INTS3: variants seen among roughly 807,000 people sequenced by gnomAD.
INTS3 encodes SOSS complex subunit A.
INTS3 carries 34 observed loss-of-function variants against 146.3 expected under a neutral mutation model. The observed-to-expected ratio is 0.23, with a 90% CI of 0.18 to 0.31. The LOEUF is 0.31. INTS3 is among the 10% of genes least tolerant of loss of function. The probability of loss-of-function intolerance (pLI) is 1.00; values close to 1 mark genes in which losing one functional copy is unlikely to be tolerated. For missense variants in INTS3, 757 were observed against 1,304.2 expected (o/e 0.58, Z 6.46); for synonymous variants, 475 against 494.9 (o/e 0.96, Z 0.53).
rs368602155 is a variant in INTS3, at chr1:153,767,776, G to A, written c.2193G>A (p.Gln731=). The change falls in exon 21 of 30, where the codon CAG becomes CAA. Residue 731 remains glutamine (Q), a synonymous_variant. Coordinates refer to ENST00000318967, the MANE Select transcript of INTS3 (RefSeq NM_023015.5). ...TGATGATGGACATGAAGGCCTGCCA[G>A]GAGGACGATGTGCGGCTCCTGTGCC... ...TCLMMDMKAC[Q]EDDVRLLCHL... 9 of 1,613,480 alleles carry A rather than the reference G, an allele frequency of 5.6e-6. No individual in the cohort carries two copies. In the African/African-American group the frequency reaches 6.7e-5, roughly 12 times the overall value.
intron 1 of INTS3, among the ~76,000 whole-genome samples, chr1:153,731,530 A>G (rs182484479): frequency 6.7e-6 from 1 of 149,352 alleles, no homozygotes; most frequent in Non-Finnish European, 1.5e-5. Context: ...CCAAAGAGGG[A>G]CCAATCACTT....
intron 4 of INTS3, 98 bp downstream of exon 4, chr1:153,747,168 C>T: frequency 8.0e-7 from 1 of 1,245,918 alleles, no homozygotes; most frequent in South Asian, 1.2e-5. Context: ...TAACACACCC[C>T]TATCATTGTG....
At chr1:153,767,473 A>C in intron 20 of INTS3, 1 of 474,476 alleles carries the variant, frequency 2.1e-6, no homozygotes, top group Non-Finnish European at 3.7e-6. Flanking sequence ...GCTCTGGGGA[A>C]GGATGGACAG....
intron 1 of INTS3, among the ~76,000 whole-genome samples, chr1:153,729,664 G>A (rs920441914): frequency 6.6e-6 from 1 of 152,044 alleles, no homozygotes; most frequent in African/African-American, 2.4e-5. Flanking sequence ...TCAAGAGATC[G>A]AGACCATCCT....
At chr1:153,768,765 G>T in intron 21 of INTS3, 128 bp from the exon 22 acceptor site, 2 of 699,054 alleles carry the variant, frequency 2.9e-6, no homozygotes, top group Non-Finnish European at 5.1e-6. Flanking sequence ...TCTGTTTAGG[G>T]GTTTATTTTA....
rs1184287210 is a variant in INTS3, at chr1:153,772,674, C to T, written c.2857C>T (p.His953Tyr). 2 of 1,614,100 alleles carry T rather than the reference C, an allele frequency of 1.2e-6. No homozygotes were observed. The highest frequency in any genetic ancestry group is 1.7e-6 in the Non-Finnish European group (2 of 1,180,044). ...SQTPILQALQ[H>Y]VQASCDEAHK... ...GACGCCAATTCTCCAGGCGCTGCAG[C>T]ATGTCCAAGCGAGCTGTGACGAAGC... is the stretch of plus-strand genomic sequence containing the variant. Residue 953 changes from histidine (H) to tyrosine (Y), a missense_variant, in exon 28 of 30, where the codon CAT (histidine) becomes TAT (tyrosine). His to Tyr is a moderately conservative substitution (Grantham distance 83). Around this residue, in one of 8 missense-constraint regions of INTS3, gnomAD observed 125 missense variants for 165.6 expected, o/e 0.75. Transcript: ENST00000318967. The surrounding 1 kb of genome is among the most constrained non-coding windows in gnomAD (Gnocchi z 4.6).
chr1:153,761,993 CT>C (rs1252589988), intron 14 of INTS3, among the ~76,000 whole-genome samples: 1 of 152,260 alleles, frequency 6.6e-6, no homozygotes, highest in Non-Finnish European at 1.5e-5. Flanking sequence ...ACTTGCCCAT[CT>C]CTCTTCCCAG....
intron 1 of INTS3, among the ~76,000 whole-genome samples, chr1:153,729,478 C>T (rs1355972906): frequency 6.6e-6 from 1 of 152,164 alleles, no homozygotes; most frequent in African/African-American, 2.4e-5. Flanking sequence ...CTGATAGTTG[C>T]CCCTCCTGTC....
At chr1:153,761,105 C>T in intron 13 of INTS3, 187 bp downstream of exon 13, 1 of 1,419,274 alleles carries the variant, frequency 7.0e-7, no homozygotes, top group Non-Finnish European at 9.2e-7. Context: ...CATCGTATTA[C>T]AAAGGTCTTC....
chr1:153,771,872 C>T lies in INTS3; in HGVS notation c.2629C>T (p.Arg877Trp), dbSNP rs1261252526. The T allele has an allele frequency of 6.2e-7, 1 of 1,614,014 alleles. No individual in the cohort carries two copies. The highest frequency in any genetic ancestry group is 8.5e-7 in the Non-Finnish European group (1 of 1,179,940). Residue 877 changes from arginine (R) to tryptophan (W), a missense_variant, in exon 26 of 30, where the codon CGG becomes TGG. Coordinates refer to ENST00000318967, the MANE Select transcript of INTS3 (RefSeq NM_023015.5). The part of the protein sequence containing the change: ...PDDQFTTSIL[R>W]HWCMKHDELL... ...CGACCAGTTCACCACCAGCATCCTG[C>T]GGCACTGGTGCATGAAACATGACGA...
intron 3 of INTS3, among the ~76,000 whole-genome samples, chr1:153,746,329 A>G (rs1279126145): frequency 6.6e-6 from 1 of 152,162 alleles, no homozygotes; most frequent in Non-Finnish European, 1.5e-5. Context: ...ACAGTATGAC[A>G]CTTCCTAAGA....
intron 9 of INTS3, among the ~76,000 whole-genome samples, chr1:153,755,908 C>T (rs1445718646): frequency 1.3e-5 from 2 of 152,118 alleles, no homozygotes; most frequent in African/African-American, 4.8e-5. Flanking sequence ...GGCGTGGTGG[C>T]ACACGCCTGT....
At chr1:153,732,368 A>T (rs935819171) in intron 1 of INTS3, among the ~76,000 whole-genome samples, 1 of 151,786 alleles carries the variant, frequency 6.6e-6, no homozygotes, top group African/African-American at 2.4e-5. Flanking sequence ...TCATAATTTC[A>T]TATACCAGTG....
At position 153,773,396 on chromosome 1, in the gene INTS3, G is replaced by A; in HGVS notation, c.*126G>A. On this transcript the variant is annotated 3_prime_UTR_variant, in exon 30 of 30. Coordinates refer to ENST00000318967, the MANE Select transcript of INTS3 (RefSeq NM_023015.5). ...GCTGCATCCCCAAGCTCCCCCGGTG[G>A]AAGGAGGAGCTTTCTCCTCTGGCTG... 7 of 895,988 alleles carry A rather than the reference G, an allele frequency of 7.8e-6. No homozygotes were observed. Among genetic ancestry groups the A allele is most frequent in the South Asian group, 1.4e-5 (1 of 70,372 alleles). 55.5% of individuals were successfully genotyped at this position (895,988 alleles called of 1,614,324 possible).
intron 13 of INTS3, 41 bp from the exon 14 acceptor site, chr1:153,761,527 AAG>A: frequency 2.2e-6 from 3 of 1,380,006 alleles, no homozygotes; most frequent in Non-Finnish European, 3.1e-6. Flanking sequence ...AAATAAAAAT[AAG>A]AGAAGCTCTG....
chr1:153,736,761 C>CT (rs5777880), intron 1 of INTS3, among the ~76,000 whole-genome samples: 49,464 of 94,066 alleles, frequency 0.53, 14,242 homozygotes, highest in East Asian at 0.67. Context: ...GTCTTTCATT[C>CT]TTTTTTTTTT....
chr1:153,746,461 C>T (rs1017454012), intron 3 of INTS3, among the ~76,000 whole-genome samples: 5 of 151,802 alleles, frequency 3.3e-5, no homozygotes, highest in East Asian at 1.9e-4. Flanking sequence ...AGTGCAGTGG[C>T]GCGATCTCCG....
chr1:153,734,954 G>A (rs1390142222), intron 1 of INTS3, among the ~76,000 whole-genome samples: 5 of 152,006 alleles, frequency 3.3e-5, no homozygotes, highest in Admixed American at 2.0e-4. Context: ...TGAGCTTCCC[G>A]CAAATTGAAT....
In INTS3 at chr1:153,772,349, C is replaced by G. The variant is rs1440632235; in HGVS notation, c.2730C>G (p.Ser910Arg). The G allele has an allele frequency of 6.2e-7, 1 of 1,613,982 alleles. No individual in the cohort carries two copies. Among genetic ancestry groups the G allele is most frequent in the Admixed American group, 1.7e-5 (1 of 60,004 alleles). The change falls in exon 27 of 30, where the codon AGC becomes AGG. Residue 910 changes from serine to arginine, a missense_variant. Coordinates refer to ENST00000318967, the MANE Select transcript of INTS3 (RefSeq NM_023015.5). The surrounding 1 kb of genome is among the most constrained non-coding windows in gnomAD (Gnocchi z 4.6). ...SLPRKRQSLR[S>R]SSSKLAQLTL... ...GGTGATTCCTGCACAGCCTGAGGAG[C>G]TCTAGCAGCAAGCTGGCCCAGCTGA... is the stretch of plus-strand genomic sequence containing the variant.
Sources: allele counts gnomAD v4.1 joint callset (sites outside exome capture counted in the v4.1 genomes callset), GRCh38; gene constraint gnomAD v4.1.1; regional missense constraint gnomAD v4.1.1; non-coding constraint Gnocchi (gnomAD v3.1); transcripts MANE v1.5; gene names NCBI Gene and HGNC (gene_info 2026-07-23, HGNC 2026-07-21).